Variants in ELP3 observed in about 807,000 individuals in gnomAD.
ELP3 encodes elongator acetyltransferase complex subunit 3.
A neutral mutation model predicts 74.9 loss-of-function variants in ELP3; 56 were observed. That is an observed-to-expected ratio of 0.75 (90% CI 0.60 to 0.93). The LOEUF (loss-of-function observed/expected upper bound fraction) is 0.93, where lower values mean the gene tolerates loss of function less well. Among genes scored for constraint, ELP3 ranks in the 40% least tolerant of loss-of-function variants. ELP3 has a pLI of 0.00. For synonymous variants in ELP3, 222 were observed against 239.8 expected (o/e 0.93, Z 0.68); for missense variants, 573 against 686.5 (o/e 0.83, Z 1.85).
rs759876830 is a variant in ELP3 at position 28,106,769 on chromosome 8, A to G, written c.315A>G (p.Thr105=). The change falls in exon 4 of 15, where the codon ACA becomes ACG. Residue 105 remains threonine, a synonymous_variant. Coordinates refer to ENST00000256398, the MANE Select transcript of ELP3 (RefSeq NM_018091.6). ...KPHRCPHISF[T]GNICVYCPGG... ...ACAGATGTCCACACATCAGTTTTAC[A>G]GGAAATATATGTGTGTAAGTATGGT... 3.1e-6 allele frequency: 5 copies of G among 1,612,184 alleles called. No individual in the cohort carries two copies. In the African/African-American group the frequency reaches 4.0e-5, roughly 13 times the overall value.
At chr8:28,182,029 C>T (rs1815031635) in intron 14 of ELP3, among the ~76,000 whole-genome samples, 1 of 152,136 alleles carries the variant, frequency 6.6e-6, no homozygotes, top group South Asian at 2.1e-4. Context: ...TCATTTCCTG[C>T]TCTTGATTTG....
intron 7 of ELP3, among the ~76,000 whole-genome samples, chr8:28,123,421 T>C (rs1156729479): frequency 2.0e-5 from 3 of 152,182 alleles, no homozygotes; most frequent in Non-Finnish European, 2.9e-5. Flanking sequence ...TATTGAGACT[T>C]GTTTTGTGGC....
chr8:28,109,944 C>G (rs1418132147), intron 5 of ELP3, among the ~76,000 whole-genome samples: 2 of 152,176 alleles, frequency 1.3e-5, no homozygotes, highest in Non-Finnish European at 2.9e-5. Context: ...CATTTTATGT[C>G]AGTACATTGT....
chr8:28,158,108 T>C (rs1206081195), intron 11 of ELP3, among the ~76,000 whole-genome samples: 1 of 148,160 alleles, frequency 6.7e-6, no homozygotes, highest in African/African-American at 2.5e-5. Flanking sequence ...ATTCCTAAAA[T>C]GATACAAATA....
intron 14 of ELP3, among the ~76,000 whole-genome samples, chr8:28,189,116 G>T (rs1164531716): frequency 6.6e-6 from 1 of 152,240 alleles, no homozygotes; most frequent in East Asian, 1.9e-4. Context: ...ACTTTTTCCT[G>T]TTAAGCCTTG....
At chr8:28,162,151 T>C in intron 14 of ELP3, 73 bp downstream of exon 14, 1 of 1,468,534 alleles carries the variant, frequency 6.8e-7, no homozygotes, top group Admixed American at 1.7e-5. Flanking sequence ...ACTATGTTGG[T>C]ACCCTCTTGC....
At chr8:28,102,496 A>T (rs1249879518) in intron 3 of ELP3, among the ~76,000 whole-genome samples, 1 of 152,142 alleles carries the variant, frequency 6.6e-6, no homozygotes, top group African/African-American at 2.4e-5. Context: ...CACAAGAGTG[A>T]TCTATTGAAA....
At chr8:28,101,106 T>C (rs1811462538) in intron 3 of ELP3, among the ~76,000 whole-genome samples, 1 of 144,122 alleles carries the variant, frequency 6.9e-6, no homozygotes, top group Admixed American at 6.7e-5. Flanking sequence ...TTTTGTTTTG[T>C]TTGTTTGTAT....
chr8:28,165,408 G>A (rs1312016883), intron 14 of ELP3, among the ~76,000 whole-genome samples: 2 of 152,156 alleles, frequency 1.3e-5, no homozygotes, highest in East Asian at 3.8e-4. Context: ...CTTTGTGAAT[G>A]CCTGTTAACT....
chr8:28,150,351 C>T (rs1157236062), intron 10 of ELP3, among the ~76,000 whole-genome samples: 1 of 152,184 alleles, frequency 6.6e-6, no homozygotes, highest in Non-Finnish European at 1.5e-5. Context: ...CATTTTCCTT[C>T]TCTCTAAAGA....
intron 7 of ELP3, among the ~76,000 whole-genome samples, chr8:28,114,892 G>A (rs1340897408): frequency 6.6e-6 from 1 of 152,188 alleles, no homozygotes; most frequent in Non-Finnish European, 1.5e-5. Context: ...CTGGCTAATG[G>A]ATTAGAGGAG....
chr8:28,150,840 T>C (rs181598955), intron 10 of ELP3, among the ~76,000 whole-genome samples: 30 of 152,296 alleles, frequency 2.0e-4, no homozygotes, highest in Admixed American at 3.3e-4. Context: ...GGTGTTCTTA[T>C]TACACATGTT....
intron 8 of ELP3, 144 bp from the exon 9 acceptor site, chr8:28,132,134 A>G (rs1812806024): frequency 1.3e-6 from 1 of 778,438 alleles, no homozygotes; most frequent in Non-Finnish European, 2.0e-6. Flanking sequence ...CAGCCATATG[A>G]TTTTGGTTAT....
intron 10 of ELP3, among the ~76,000 whole-genome samples, chr8:28,140,783 T>G (rs558357993): frequency 6.6e-6 from 1 of 152,276 alleles, no homozygotes; most frequent in African/African-American, 2.4e-5. Flanking sequence ...TGCTCCTGAG[T>G]GCAGGAAGGC....
chr8:28,124,265 C>T (rs774947040), intron 7 of ELP3, among the ~76,000 whole-genome samples: 6 of 151,962 alleles, frequency 3.9e-5, no homozygotes, highest in African/African-American at 9.7e-5. Context: ...TAAGTGAATG[C>T]GGTGGAAAGA....
intron 14 of ELP3, among the ~76,000 whole-genome samples, chr8:28,172,824 T>C (rs1814584257): frequency 6.6e-6 from 1 of 152,126 alleles, no homozygotes; most frequent in African/African-American, 2.4e-5. Flanking sequence ...TCTATGCTAA[T>C]GTATTGGGTG....
chr8:28,109,166 A>G (rs1323326234), intron 5 of ELP3, among the ~76,000 whole-genome samples: 4 of 152,102 alleles, frequency 2.6e-5, no homozygotes, highest in African/African-American at 9.7e-5. Context: ...GAATGATACA[A>G]TCCAATTTAG....
intron 14 of ELP3, chr8:28,183,192 AG>A: frequency 2.2e-6 from 1 of 460,030 alleles, no homozygotes; most frequent in Middle Eastern, 3.2e-4. Flanking sequence ...TTCTCCCCAA[AG>A]GGGTGGATGT....
chr8:28,107,218 A>T (rs1811733778), intron 4 of ELP3, among the ~76,000 whole-genome samples: 1 of 152,248 alleles, frequency 6.6e-6, no homozygotes, highest in Non-Finnish European at 1.5e-5. Flanking sequence ...ACTGCACTCC[A>T]GCCTGGGCAA....
Sources: allele counts gnomAD v4.1 joint callset (sites outside exome capture counted in the v4.1 genomes callset), GRCh38; gene constraint gnomAD v4.1.1; transcripts MANE v1.5; gene names NCBI Gene and HGNC (gene_info 2026-07-23, HGNC 2026-07-21).